EIF4H: variants seen among roughly 807,000 people sequenced by gnomAD.
EIF4H encodes the protein Williams-Beuren syndrome chromosome region 1.
Under a neutral mutation model 30.6 loss-of-function variants are expected in EIF4H, and 8 were observed. That is an observed-to-expected ratio of 0.26 (90% CI 0.15 to 0.47). EIF4H has a LOEUF of 0.47. Among genes scored for constraint, EIF4H ranks in the 20% least tolerant of loss-of-function variants. The probability of loss-of-function intolerance (pLI) is 0.99; values close to 1 mark genes in which losing one functional copy is unlikely to be tolerated. For synonymous variants in EIF4H, 106 were observed against 122.7 expected (o/e 0.86, Z 0.90); for missense variants, 188 against 339.5 (o/e 0.55, Z 3.51).
chr7:74,186,824 T>A (rs1195949338), intron 1 of EIF4H, among the ~76,000 whole-genome samples: 19 of 101,266 alleles, frequency 1.9e-4, no homozygotes, highest in South Asian at 3.7e-4. Flanking sequence ...TTTTTTTTTT[T>A]TTTTTTTTTT....
rs1563956717 is a variant in EIF4H, at chr7:74,195,351, G to T, written c.*43G>T. On this transcript the variant is annotated 3_prime_UTR_variant, in exon 7 of 7. Coordinates refer to ENST00000265753, the MANE Select transcript of EIF4H (RefSeq NM_022170.2). ...AATGGGGCGTGGGGGGTTAGAGCAG[G>T]ACCACAGCCTGGTGAGTCCCCGGGC... The T allele has an allele frequency of 6.4e-7, 1 of 1,570,032 alleles. No individual in the cohort carries two copies. Among genetic ancestry groups the T allele is most frequent in the East Asian group, 2.3e-5 (1 of 44,272 alleles).
At chr7:74,175,784 T>C (rs1328318525) in intron 1 of EIF4H, among the ~76,000 whole-genome samples, 1 of 152,066 alleles carries the variant, frequency 6.6e-6, no homozygotes, top group African/African-American at 2.4e-5. Context: ...AAAATTCTTC[T>C]TAAACAGCGT....
intron 2 of EIF4H, among the ~76,000 whole-genome samples, chr7:74,188,673 C>T (rs1801142125): frequency 6.6e-6 from 1 of 152,170 alleles, no homozygotes; most frequent in Non-Finnish European, 1.5e-5. Context: ...AGGAACTAAA[C>T]TTTGGGTTGG....
intron 5 of EIF4H, among the ~76,000 whole-genome samples, chr7:74,192,093 T>G (rs1344949344): frequency 6.6e-6 from 1 of 152,212 alleles, no homozygotes; most frequent in Non-Finnish European, 1.5e-5. Context: ...CCAACAGATT[T>G]GATGAGAGAT....
At chr7:74,176,239 CTTTT>C (rs1283931267) in intron 1 of EIF4H, among the ~76,000 whole-genome samples, 1 of 137,674 alleles carries the variant, frequency 7.3e-6, no homozygotes. Flanking sequence ...CATGTGTATT[CTTTT>C]TTTTTTTTTT....
At chr7:74,175,882 C>CA (rs1800828167) in intron 1 of EIF4H, among the ~76,000 whole-genome samples, 1 of 152,134 alleles carries the variant, frequency 6.6e-6, no homozygotes, top group African/African-American at 2.4e-5. Context: ...TTCCTTCAGA[C>CA]ACATTTGCCA....
intron 5 of EIF4H, 28 bp from the exon 6 acceptor site, chr7:74,194,713 G>A: frequency 6.5e-6 from 10 of 1,542,712 alleles, no homozygotes; most frequent in Non-Finnish European, 8.8e-6. Flanking sequence ...AGTTTGAAAA[G>A]TAATTCAGTG....
At chr7:74,194,155 G>T (rs900556720) in intron 5 of EIF4H, among the ~76,000 whole-genome samples, 2 of 152,224 alleles carry the variant, frequency 1.3e-5, no homozygotes, top group Non-Finnish European at 2.9e-5. Context: ...CTCTGCTCAT[G>T]CCCCTCTGTG....
chr7:74,177,486 T>G (rs1800867749), intron 1 of EIF4H, among the ~76,000 whole-genome samples: 1 of 152,210 alleles, frequency 6.6e-6, no homozygotes, highest in Admixed American at 6.5e-5. Flanking sequence ...CTGTCCCCTT[T>G]GAATAGTAAT....
rs1563948010 is a variant in EIF4H at position 74,179,646 on chromosome 7, A to AC, written c.59+5204_59+5205insC. On this transcript the variant is annotated intron_variant, in intron 1 of 6. Coordinates refer to ENST00000265753, the MANE Select transcript of EIF4H (RefSeq NM_022170.2). ...GACTCTGTATCAAAAAAAAAAAAAA[A>AC]AAGTCACTTTATCTTGTACTCCGAC... 8.7e-5 allele frequency among the ~76,000 whole-genome samples: 13 copies of AC among 150,174 alleles called. 1 individual carries two copies. The highest frequency in any genetic ancestry group is 3.2e-3 in the Middle Eastern group (1 of 314).
Position 74,195,434 on chromosome 7 carries a change from C to T in EIF4H, c.*126C>T. 1 of 1,155,606 alleles carries T rather than the reference C, an allele frequency of 8.7e-7. No individual in the cohort carries two copies. Among genetic ancestry groups the T allele is most frequent in the Non-Finnish European group, 1.2e-6 (1 of 827,620 alleles). 71.6% of individuals were successfully genotyped at this position (1,155,606 alleles called of 1,614,324 possible). A position where few individuals can be genotyped will look rare whatever the true frequency, so the allele number is the denominator to read the frequency against. ...CATTGGCCTCCTCACAGCGGAAACA[C>T]AGCTTGTGAGTGCATGTCAGCTGTT... On this transcript the variant is annotated 3_prime_UTR_variant, in exon 7 of 7. Transcript: ENST00000265753.
At chr7:74,193,930 C>G (rs782536959) in intron 5 of EIF4H, among the ~76,000 whole-genome samples, 1 of 152,172 alleles carries the variant, frequency 6.6e-6, no homozygotes, top group Non-Finnish European at 1.5e-5. Context: ...GTAGGTTATA[C>G]AGTTAAAGTT....
intron 1 of EIF4H, among the ~76,000 whole-genome samples, chr7:74,181,280 A>G (rs1306432877): frequency 2.0e-5 from 3 of 152,156 alleles, no homozygotes; most frequent in African/African-American, 7.2e-5. Context: ...CTAGTCACCT[A>G]TCCTTCTAAA....
At position 74,174,356 on chromosome 7, in the gene EIF4H, C is replaced by T. The variant is rs1554707301; in HGVS notation, c.-28C>T. 9 of 1,437,264 alleles carry T rather than the reference C, an allele frequency of 6.3e-6. No individual in the cohort carries two copies. Among genetic ancestry groups the T allele is most frequent in the South Asian group, 1.5e-5 (1 of 68,642 alleles). The allele number at this position is 1,437,264 out of a possible 1,614,324, so 89.0% of individuals were successfully genotyped here. A position where few individuals can be genotyped will look rare whatever the true frequency, so the allele number is the denominator to read the frequency against. Reference sequence around the variant, plus strand: ...ATTGCGGGGTCCTTCCTCGCTCACCCTGGTTCCTCTCGGAGCGGAGACGGC... The same window carrying T: ...ATTGCGGGGTCCTTCCTCGCTCACCTTGGTTCCTCTCGGAGCGGAGACGGC... On this transcript the variant is annotated 5_prime_UTR_variant, in exon 1 of 7. Coordinates refer to ENST00000265753, the MANE Select transcript of EIF4H (RefSeq NM_022170.2).
rs547219231 is a variant in EIF4H, at chr7:74,174,380, G to A, written c.-4G>A. On this transcript the variant is annotated 5_prime_UTR_variant, in exon 1 of 7. Transcript: ENST00000265753. ...CCTGGTTCCTCTCGGAGCGGAGACG[G>A]CAAATGGCGGACTTCGACACCTACG... The A allele has an allele frequency of 4.1e-6, 6 of 1,457,016 alleles. No individual in the cohort carries two copies. The highest frequency in any genetic ancestry group is 4.6e-6 in the Non-Finnish European group (5 of 1,090,352). 90.3% of individuals were successfully genotyped at this position (1,457,016 alleles called of 1,614,324 possible).
At position 74,189,565 on chromosome 7, in the gene EIF4H, A is replaced by G. The variant is rs1160274242; in HGVS notation, c.248-108A>G. ...AGGCTCTCCTAGTCTGCCATCATCT[A>G]GACAACAGAATGGTAGTTGTGACGT... On this transcript the variant is annotated intron_variant, in intron 2 of 6. Coordinates refer to ENST00000265753, the MANE Select transcript of EIF4H (RefSeq NM_022170.2). The G allele has an allele frequency of 1.1e-5, 14 of 1,263,746 alleles. 1 individual carries two copies. The highest frequency in any genetic ancestry group is 1.4e-5 in the Non-Finnish European group (13 of 904,964). The allele number at this position is 1,263,746 out of a possible 1,614,324, so 78.3% of individuals were successfully genotyped here. A position where few individuals can be genotyped will look rare whatever the true frequency, so the allele number is the denominator to read the frequency against.
At chr7:74,182,733 T>TTA (rs1270071765) in intron 1 of EIF4H, among the ~76,000 whole-genome samples, 15 of 152,302 alleles carry the variant, frequency 9.8e-5, no homozygotes, top group South Asian at 8.3e-4. Context: ...TTGCATCTAC[T>TTA]TACTGGATAC....
rs193119154 is a variant in EIF4H, at chr7:74,194,945, C to T, written c.607+67C>T. ...GGATGATCATGGCCGGTTCACACCC[C>T]GTGGGGACTTGGCGTTCTACGGCAC... On this transcript the variant is annotated intron_variant, in intron 6 of 6. Coordinates refer to ENST00000265753, the MANE Select transcript of EIF4H (RefSeq NM_022170.2). The T allele has an allele frequency of 6.3e-5, 97 of 1,537,588 alleles. No homozygotes were observed. In the African/African-American group the frequency reaches 7.3e-4, roughly 12 times the overall value.
intron 1 of EIF4H, among the ~76,000 whole-genome samples, chr7:74,186,788 A>ATTTT (rs564794579): frequency 1.9e-4 from 13 of 70,102 alleles, no homozygotes; most frequent in Non-Finnish European, 2.9e-4. Flanking sequence ...ACAAGGAGAA[A>ATTTT]TTTTTTTTTT....
Sources: gnomAD v4.1 joint callset for allele counts (sites outside exome capture counted in the v4.1 genomes callset) on GRCh38, gnomAD v4.1.1 for gene constraint, MANE v1.5 for transcripts, NCBI Gene and HGNC (gene_info 2026-07-23, HGNC 2026-07-21) for gene names.